Variants in CHCHD6 observed in about 807,000 individuals in gnomAD.
CHCHD6 encodes the protein MICOS complex subunit MIC25.
CHCHD6 carries 28 observed loss-of-function variants against 32.3 expected under a neutral mutation model. The ratio of observed to expected loss-of-function variants is 0.87; its 90% CI spans 0.64 to 1.19. The LOEUF is 1.19. Among genes scored for constraint, CHCHD6 ranks in the 50% most tolerant of loss-of-function variants. The probability of loss-of-function intolerance (pLI) is 0.00; values close to 1 mark genes in which losing one functional copy is unlikely to be tolerated. For synonymous variants in CHCHD6, 122 were observed against 117.5 expected (o/e 1.04, Z -0.25); for missense variants, 333 against 307.0 (o/e 1.08, Z -0.63).
At chr3:126,793,172 A>G (rs1364152252) in intron 4 of CHCHD6, among the ~76,000 whole-genome samples, 1 of 152,160 alleles carries the variant, frequency 6.6e-6, no homozygotes, top group East Asian at 1.9e-4. Context: ...CCATTATAGC[A>G]GTCTCTTCTT....
rs114109995 is a variant in CHCHD6, at chr3:126,847,878, C to T, written c.412-4769C>T. On this transcript the variant is annotated intron_variant, in intron 4 of 7. Coordinates refer to ENST00000290913, the MANE Select transcript of CHCHD6 (RefSeq NM_032343.3). ...CCTTCCCCTCTCTTACCCCCTTGTC[C>T]TCTCCAGTCTTTCCTTCCTCATCTT... 6.1e-3 allele frequency among the ~76,000 whole-genome samples: 930 copies of T among 152,232 alleles called. 9 individuals are homozygous for T. The highest frequency in any genetic ancestry group is 0.021 in the African/African-American group (889 of 41,524).
At chr3:126,894,969 C>G (rs781624892) in intron 5 of CHCHD6, among the ~76,000 whole-genome samples, 37 of 152,250 alleles carry the variant, frequency 2.4e-4, no homozygotes, top group Non-Finnish European at 4.1e-4. Context: ...TTATCCCACT[C>G]ACCAGAGAGT....
chr3:126,935,897 A>G (rs1399107015), intron 6 of CHCHD6, among the ~76,000 whole-genome samples: 2 of 152,264 alleles, frequency 1.3e-5, no homozygotes, highest in African/African-American at 4.8e-5. Flanking sequence ...GAAAGAGGGA[A>G]GAACAATGCT....
chr3:126,820,535 A>C (rs909210254), intron 4 of CHCHD6, among the ~76,000 whole-genome samples: 1 of 152,220 alleles, frequency 6.6e-6, no homozygotes, highest in African/African-American at 2.4e-5. Flanking sequence ...AGGTTCACCC[A>C]TGTATTTAGC....
At chr3:126,944,830 G>C (rs1370025043) in intron 6 of CHCHD6, among the ~76,000 whole-genome samples, 1 of 152,242 alleles carries the variant, frequency 6.6e-6, no homozygotes, top group Non-Finnish European at 1.5e-5. Context: ...GGGGGCAGTT[G>C]ATGACAATCA....
At chr3:126,864,338 A>C (rs1223809401) in intron 5 of CHCHD6, among the ~76,000 whole-genome samples, 106 of 70,594 alleles carry the variant, frequency 1.5e-3, no homozygotes, top group Middle Eastern at 0.011. Context: ...CCACCACCTC[A>C]CCATTCTCCC....
rs1319453133 is a variant in CHCHD6 at position 126,865,050 on chromosome 3, A to ACCT, written c.495+12333_495+12335dup. 7.0e-3 allele frequency among the ~76,000 whole-genome samples: 357 copies of ACCT among 51,088 alleles called. 12 individuals are homozygous for ACCT. Among genetic ancestry groups the ACCT allele is most frequent in the Admixed American group, 0.062 (336 of 5,438 alleles). 33.5% of individuals were successfully genotyped at this position (51,088 alleles called of 152,430 possible). A position where few individuals can be genotyped will look rare whatever the true frequency, so the allele number is the denominator to read the frequency against. The stretch of plus-strand genomic sequence containing the variant: ...CCTCTACTACCTCTACTTCATCACT[A>ACCT]CCTCCTCCTCCTCCTTTTCCACCAC... On this transcript the variant is annotated intron_variant, in intron 5 of 7. Transcript: ENST00000290913.
At chr3:126,906,453 C>G (rs1404671017) in intron 5 of CHCHD6, among the ~76,000 whole-genome samples, 1 of 152,254 alleles carries the variant, frequency 6.6e-6, no homozygotes, top group Non-Finnish European at 1.5e-5. Context: ...TGAGGCCCAA[C>G]CCTGCTGGCC....
chr3:126,759,430 G>A (rs1937083221), intron 4 of CHCHD6, among the ~76,000 whole-genome samples: 2 of 152,182 alleles, frequency 1.3e-5, no homozygotes, highest in South Asian at 2.1e-4. Context: ...GTCTTTTGTA[G>A]TGGTCATTTG....
chr3:126,907,499 T>C (rs980636536), intron 5 of CHCHD6, among the ~76,000 whole-genome samples: 4 of 149,504 alleles, frequency 2.7e-5, no homozygotes, highest in Non-Finnish European at 4.6e-5. Flanking sequence ...CACTTATTTG[T>C]GGTTTTTACT....
intron 6 of CHCHD6, among the ~76,000 whole-genome samples, chr3:126,945,884 C>T (rs2107605297): frequency 6.6e-6 from 1 of 151,968 alleles, no homozygotes; most frequent in South Asian, 2.1e-4. Context: ...AAGTTTCCAG[C>T]AGAGAGGCGG....
At chr3:126,864,261 C>CCCTCCTCCATCACCACCT (rs1942142363) in intron 5 of CHCHD6, among the ~76,000 whole-genome samples, 1 of 129,164 alleles carries the variant, frequency 7.7e-6, no homozygotes, top group Admixed American at 7.5e-5. Context: ...CACCATCTCC[C>CCCTCCTCCATCACCACCT]CCTCCTCCAT....
chr3:126,804,590 G>C (rs1939259440), intron 4 of CHCHD6, among the ~76,000 whole-genome samples: 1 of 152,142 alleles, frequency 6.6e-6, no homozygotes, highest in Admixed American at 6.5e-5. Flanking sequence ...CAACCAAAAA[G>C]AGTCGAGGAC....
chr3:126,834,448 T>C (rs1940772969), intron 4 of CHCHD6, among the ~76,000 whole-genome samples: 1 of 152,092 alleles, frequency 6.6e-6, no homozygotes, highest in Admixed American at 6.5e-5. Context: ...CAGAGGGAAT[T>C]AATTGGAAAG....
intron 4 of CHCHD6, among the ~76,000 whole-genome samples, chr3:126,746,272 G>A (rs1027035193): frequency 7.9e-5 from 12 of 152,322 alleles, no homozygotes; most frequent in African/African-American, 1.2e-4. Context: ...GCCTCGCACA[G>A]CGGGCATGGC....
intron 5 of CHCHD6, among the ~76,000 whole-genome samples, chr3:126,903,410 T>C (rs1024331862): frequency 6.6e-6 from 1 of 152,168 alleles, no homozygotes; most frequent in Non-Finnish European, 1.5e-5. Flanking sequence ...TTGGATTTTT[T>C]CTACTCTTCT....
At chr3:126,744,768 A>T (rs929686264) in intron 4 of CHCHD6, among the ~76,000 whole-genome samples, 1 of 151,720 alleles carries the variant, frequency 6.6e-6, no homozygotes, top group Admixed American at 6.6e-5. Context: ...GCTCACTGCA[A>T]CCTCCGCCTC....
chr3:126,751,919 T>G (rs952186205), intron 4 of CHCHD6, among the ~76,000 whole-genome samples: 5 of 152,218 alleles, frequency 3.3e-5, no homozygotes, highest in Non-Finnish European at 5.9e-5. Flanking sequence ...TTACCAGTTA[T>G]GCCCCTCCAA....
chr3:126,752,531 G>T (rs1936769893), intron 4 of CHCHD6, among the ~76,000 whole-genome samples: 1 of 152,206 alleles, frequency 6.6e-6, no homozygotes, highest in Non-Finnish European at 1.5e-5. Flanking sequence ...TGGTAGCTTT[G>T]AGACTGATTA....
Sources: allele counts gnomAD v4.1 joint callset (sites outside exome capture counted in the v4.1 genomes callset), GRCh38; gene constraint gnomAD v4.1.1; transcripts MANE v1.5; gene names NCBI Gene and HGNC (gene_info 2026-07-23, HGNC 2026-07-21).